Variants in PLCB4 observed in about 807,000 individuals in gnomAD.
PLCB4 encodes the protein phospholipase C beta 4.
PLCB4 carries 77 observed loss-of-function variants against 178.8 expected under a neutral mutation model. That is an observed-to-expected ratio of 0.43 (90% CI 0.36 to 0.52). PLCB4 has a LOEUF of 0.52. Among genes scored for constraint, PLCB4 ranks in the 20% least tolerant of loss-of-function variants. The pLI is 0.00. For missense variants in PLCB4, 1,024 were observed against 1,453.4 expected (o/e 0.70, Z 4.80); for synonymous variants, 496 against 490.8 (o/e 1.01, Z -0.14).
chr20:9,343,762 A>C (rs1486398784), intron 7 of PLCB4, among the ~76,000 whole-genome samples: 1 of 152,128 alleles, frequency 6.6e-6, no homozygotes, highest in East Asian at 1.9e-4. Flanking sequence ...TCCCACAGTC[A>C]TTTTCATCTC....
intron 20 of PLCB4, among the ~76,000 whole-genome samples, chr20:9,402,818 T>A (rs974842477): frequency 4.6e-5 from 7 of 152,116 alleles, no homozygotes; most frequent in African/African-American, 1.7e-4. Flanking sequence ...ATGGTACCAT[T>A]TACTGGCATG....
chr20:9,140,598 G>A (rs1319080324), intron 2 of PLCB4, among the ~76,000 whole-genome samples: 1 of 151,808 alleles, frequency 6.6e-6, no homozygotes, highest in African/African-American at 2.4e-5. Flanking sequence ...TGACTGTCTC[G>A]GTGCCCTCCC....
chr20:9,418,879 A>AT (rs139779009), intron 25 of PLCB4, among the ~76,000 whole-genome samples: 4 of 151,812 alleles, frequency 2.6e-5, no homozygotes, highest in Admixed American at 6.6e-5. Context: ...GTAGACACTT[A>AT]TTTTTTTTAA....
rs188769267 is a variant in PLCB4, at chr20:9,446,823, G to A, written c.2880+2580G>A. Among the ~76,000 whole-genome samples the A allele has an allele frequency of 8.1e-4, 124 of 152,352 alleles. No homozygotes were observed. In the Middle Eastern group the frequency reaches 0.01, roughly 13 times the overall value. ...TTGAACCCAGGAGGCGGAGGTTGCA[G>A]TGAGCTGAGATTGTGCCACTGCACT... On this transcript the variant is annotated intron_variant, in intron 32 of 39. Coordinates refer to ENST00000378473, the MANE Select transcript of PLCB4 (RefSeq NM_001377142.1).
At chr20:9,151,596 G>A (rs529139888) in intron 2 of PLCB4, among the ~76,000 whole-genome samples, 55 of 152,196 alleles carry the variant, frequency 3.6e-4, no homozygotes, top group Middle Eastern at 3.4e-3. Context: ...TCAGCCTCCC[G>A]CCATGATTCT....
intron 7 of PLCB4, among the ~76,000 whole-genome samples, chr20:9,343,758 A>T (rs1186249237): frequency 6.6e-6 from 1 of 152,174 alleles, no homozygotes; most frequent in African/African-American, 2.4e-5. Flanking sequence ...CTTCTCCCAC[A>T]GTCATTTTCA....
intron 2 of PLCB4, among the ~76,000 whole-genome samples, chr20:9,157,953 G>A (rs774074773): frequency 2.6e-5 from 4 of 152,092 alleles, no homozygotes; most frequent in Non-Finnish European, 5.9e-5. Flanking sequence ...ACTAATTTAT[G>A]TTGAATTCTT....
chr20:9,393,489 G>A lies in PLCB4; in HGVS notation c.1324-99G>A, dbSNP rs893780938. ...CCGCCTGCCATCTAGTGGGTGTTGG[G>A]TTGCATCACTCCCAGGCCTCCCAGG... On this transcript the variant is annotated intron_variant, in intron 17 of 39. Transcript: ENST00000378473. 6 of 740,438 alleles carry A rather than the reference G, an allele frequency of 8.1e-6. No individual in the cohort carries two copies. In the African/African-American group the frequency reaches 1.1e-4, roughly 13 times the overall value. The allele number at this position is 740,438 out of a possible 1,614,324, so 45.9% of individuals were successfully genotyped here.
rs1344711281 is a variant in PLCB4, at chr20:9,381,345, G to T, written c.853+1183G>T. 2.0e-5 allele frequency among the ~76,000 whole-genome samples: 3 copies of T among 152,118 alleles called. No homozygotes were observed. The East Asian group carries it at 5.8e-4, about 29-fold the overall frequency. On this transcript the variant is annotated intron_variant, in intron 13 of 39. Coordinates refer to ENST00000378473, the MANE Select transcript of PLCB4 (RefSeq NM_001377142.1). ...GTTTCCCTGCTTGTAAGGTGGTGGG[G>T]CTCATGCAGTAATTTGGCTAGTATT... is the stretch of plus-strand genomic sequence containing the variant.
intron 1 of PLCB4, among the ~76,000 whole-genome samples, chr20:9,075,688 G>A (rs1392963648): frequency 1.3e-5 from 2 of 152,258 alleles, no homozygotes; most frequent in African/African-American, 4.8e-5. Flanking sequence ...TTCCCATGGA[G>A]CAGCTACCAC....
intron 3 of PLCB4, among the ~76,000 whole-genome samples, chr20:9,246,898 C>T (rs564266483): frequency 6.6e-6 from 1 of 152,054 alleles, no homozygotes; most frequent in African/African-American, 2.4e-5. Flanking sequence ...ATACCTAGAA[C>T]AAAACATATA....
chr20:9,236,442 G>T (rs1008218908), intron 3 of PLCB4, among the ~76,000 whole-genome samples: 8 of 152,114 alleles, frequency 5.3e-5, no homozygotes, highest in African/African-American at 9.7e-5. Context: ...TTTTGTGTGC[G>T]TGTGTTTTTT....
intron 30 of PLCB4, among the ~76,000 whole-genome samples, chr20:9,438,390 A>G (rs2041912751): frequency 6.6e-6 from 1 of 151,542 alleles, no homozygotes; most frequent in Non-Finnish European, 1.5e-5. Flanking sequence ...AAAAGAAAGA[A>G]AGAAATAAGT....
chr20:9,192,767 C>T (rs1460498102), intron 2 of PLCB4, among the ~76,000 whole-genome samples: 1 of 150,976 alleles, frequency 6.6e-6, no homozygotes, highest in Non-Finnish European at 1.5e-5. Context: ...GTGAACTGCA[C>T]TCCAGTCTGA....
chr20:9,163,368 C>T (rs2092920159), intron 2 of PLCB4, among the ~76,000 whole-genome samples: 1 of 152,100 alleles, frequency 6.6e-6, no homozygotes, highest in Non-Finnish European at 1.5e-5. Flanking sequence ...CAAATCTGAG[C>T]AGAGTCAAAA....
chr20:9,277,160 T>C (rs377166866), intron 3 of PLCB4, among the ~76,000 whole-genome samples: 116 of 152,150 alleles, frequency 7.6e-4, no homozygotes, highest in African/African-American at 2.6e-3. Context: ...GCATGTTAGC[T>C]ACAGGGTATA....
intron 2 of PLCB4, among the ~76,000 whole-genome samples, chr20:9,147,463 G>A (rs977850265): frequency 6.6e-6 from 1 of 152,092 alleles, no homozygotes; most frequent in Non-Finnish European, 1.5e-5. Context: ...GTTTCGGGGG[G>A]TTCAGCTGCT....
intron 2 of PLCB4, among the ~76,000 whole-genome samples, chr20:9,098,712 T>C (rs535676897): frequency 6.9e-6 from 1 of 145,144 alleles, no homozygotes; most frequent in East Asian, 2.0e-4. Context: ...TATATACATA[T>C]ATACGTGTGT....
At chr20:9,318,394 G>A (rs2094924042) in intron 4 of PLCB4, among the ~76,000 whole-genome samples, 2 of 151,996 alleles carry the variant, frequency 1.3e-5, no homozygotes, top group Admixed American at 1.3e-4. Flanking sequence ...GCAAGTCCAG[G>A]TGGGTCCAGG....
Sources: gnomAD v4.1 joint callset for allele counts (sites outside exome capture counted in the v4.1 genomes callset) on GRCh38, gnomAD v4.1.1 for gene constraint, MANE v1.5 for transcripts, NCBI Gene and HGNC (gene_info 2026-07-23, HGNC 2026-07-21) for gene names.